The following SLC6A12 variants were observed in gnomAD, a reference collection of about 807,000 sequenced individuals.
The protein encoded by SLC6A12 is solute carrier family 6 member 12.
In SLC6A12, 50 loss-of-function variants were observed where a neutral mutation model predicts 73.3. The ratio of observed to expected loss-of-function variants is 0.68; its 90% CI spans 0.54 to 0.86. The LOEUF (loss-of-function observed/expected upper bound fraction) is 0.86. Ranked by LOEUF, SLC6A12 falls within the 40% of genes least tolerant of loss-of-function variation. The pLI is 0.00. For missense variants in SLC6A12, 648 were observed against 772.8 expected, an observed-to-expected ratio of 0.84 and a Z score of 1.92; for synonymous variants, 304 against 309.2, an observed-to-expected ratio of 0.98 and a Z score of 0.18.
At chr12:210,303 G>A (rs1266672069) in intron 2 of SLC6A12, 27 of 1,203,306 alleles carry the variant, frequency 2.2e-5, no homozygotes, top group Non-Finnish European at 2.6e-5. Flanking sequence ...GAAAACTCAG[G>A]CTCGGGCTTT....
At chr12:185,260 CCT>C (rs1939410940), downstream of SLC6A12, among the ~76,000 whole-genome samples, 1 of 152,220 alleles carries the variant, frequency 6.6e-6, no homozygotes, top group African/African-American at 2.4e-5. Context: ...TCATGGCTAC[CCT>C]CTGTCCTGCT....
intron 12 of SLC6A12, among the ~76,000 whole-genome samples, chr12:195,793 G>T (rs2137121055): frequency 6.6e-6 from 1 of 152,318 alleles, no homozygotes; most frequent in East Asian, 1.9e-4. Context: ...GCCTCTGAGT[G>T]AAGTCACAGG....
intron 5 of SLC6A12, 125 bp downstream of exon 5, chr12:202,615 G>T (rs756020461): frequency 3.0e-5 from 28 of 924,830 alleles, no homozygotes; most frequent in Non-Finnish European, 4.5e-5. Flanking sequence ...CTGCCCAGGA[G>T]CCCACGTGGC....
At chr12:188,530 A>G (rs1939484318), downstream of SLC6A12, among the ~76,000 whole-genome samples, 1 of 152,206 alleles carries the variant, frequency 6.6e-6, no homozygotes, top group South Asian at 2.1e-4. Flanking sequence ...CCCACAGTGC[A>G]GCGGGGGGCT....
At position 196,204 on chromosome 12, in the gene SLC6A12, G is replaced by A. The variant is rs755704366; in HGVS notation, c.1246C>T (p.Arg416Trp). The A allele has an allele frequency of 1.2e-5, 19 of 1,594,404 alleles. 1 individual carries two copies. The highest frequency in any genetic ancestry group is 4.6e-5 in the South Asian group (4 of 87,212). Residue 416 changes from arginine (R) to tryptophan (W), a missense_variant, in exon 12 of 16, where the codon CGG becomes TGG. Coordinates refer to ENST00000684302, the MANE Select transcript of SLC6A12 (RefSeq NM_001122848.3). ...AGGAGCTCGCGCCGCCCGCTCTTCC[G>A]GAGCTGCCTGGGGAACATGTCTATG... ...ASIDMFPRQL[R>W]KSGRRELLIL...
chr12:196,925 G>GCTGC (rs764902303), intron 10 of SLC6A12, 43 bp from the exon 11 acceptor site: 2 of 1,429,016 alleles, frequency 1.4e-6, no homozygotes, highest in Non-Finnish European at 2.0e-6. Flanking sequence ...CAGGGCGTGT[G>GCTGC]CTGCCCTTGG....
At chr12:206,405 A>G (rs532524564) in intron 3 of SLC6A12, among the ~76,000 whole-genome samples, 70 of 152,308 alleles carry the variant, frequency 4.6e-4, no homozygotes, top group African/African-American at 1.6e-3. Context: ...TCATAGCATG[A>G]ATTCCCTTCT....
chr12:207,096 C>T (rs1365342475), intron 3 of SLC6A12, among the ~76,000 whole-genome samples: 1 of 152,246 alleles, frequency 6.6e-6, no homozygotes, highest in East Asian at 1.9e-4. Flanking sequence ...CGCGTTAGGG[C>T]GTCCTCTACC....
At chr12:197,094 C>T (rs910072399) in intron 10 of SLC6A12, among the ~76,000 whole-genome samples, 176 of 36,774 alleles carry the variant, frequency 4.8e-3, no homozygotes, top group South Asian at 5.8e-3. Context: ...TCCATCCATC[C>T]ATCCATCCAT....
the SLC6A12 span, among the ~76,000 whole-genome samples, chr12:184,624 C>T: frequency 2.0e-5 from 3 of 152,126 alleles, no homozygotes; most frequent in South Asian, 4.2e-4. Context: ...GTGGCGGGCG[C>T]CTGTAGTCCC....
chr12:187,631 A>G (rs868356891), downstream of SLC6A12, among the ~76,000 whole-genome samples: 1 of 48,966 alleles, frequency 2.0e-5, no homozygotes, highest in Non-Finnish European at 4.2e-5. Context: ...AAAAAAAAAA[A>G]CAAACCACAC....
Position 200,861 on chromosome 12 carries a change from T to C in SLC6A12, c.579-78A>G, listed in dbSNP as rs570039088. The C allele has an allele frequency of 2.0e-5, 29 of 1,467,858 alleles. No individual in the cohort carries two copies. The Admixed American group carries it at 4.2e-4, about 21-fold the overall frequency. 90.9% of individuals were successfully genotyped at this position (1,467,858 alleles called of 1,614,324 possible). A position where few individuals can be genotyped will look rare whatever the true frequency, so the allele number is the denominator to read the frequency against. ...TGCGTCTGTCAGCAAGTCTCCTGAT[T>C]CTCAGAGCTGACCCCACGGATCTCA... On this transcript the variant is annotated intron_variant, in intron 6 of 15. Transcript: ENST00000684302.
At chr12:200,233 T>C (rs527846053) in intron 7 of SLC6A12, among the ~76,000 whole-genome samples, 12,141 of 148,436 alleles carry the variant, frequency 0.082, 705 homozygotes, top group Non-Finnish European at 0.12. Context: ...CTCAGCCTCC[T>C]GCATAGCTGG....
chr12:212,680 G>A (rs1355931224), intron 1 of SLC6A12, among the ~76,000 whole-genome samples: 2 of 152,038 alleles, frequency 1.3e-5, no homozygotes, highest in African/African-American at 4.8e-5. Context: ...CAGCAAGAGG[G>A]ATTTAAGTTA....
chr12:188,369 T>C (rs1218759206), downstream of SLC6A12, among the ~76,000 whole-genome samples: 2 of 152,018 alleles, frequency 1.3e-5, no homozygotes, highest in African/African-American at 4.8e-5. Flanking sequence ...GCCGCTCCGA[T>C]TGTGGGGCCC....
intron 12 of SLC6A12, 119 bp downstream of exon 12, chr12:196,005 G>T: frequency 1.1e-6 from 1 of 884,390 alleles, no homozygotes. Context: ...GAGAGGCAGG[G>T]CAGGCGTTCA....
intron 10 of SLC6A12, 37 bp from the exon 11 acceptor site, chr12:196,919 G>C (rs375962293): frequency 4.1e-5 from 61 of 1,476,108 alleles, no homozygotes; most frequent in Non-Finnish European, 5.7e-5. Context: ...AGGCTCCAGG[G>C]CGTGTGCTGC....
chr12:201,191 T>G, intron 6 of SLC6A12: 1 of 195,554 alleles, frequency 5.1e-6, no homozygotes, highest in Non-Finnish European at 1.0e-5. Flanking sequence ...GGTCCAGTAC[T>G]GTGAGGGCAT....
rs764142946 is a variant in SLC6A12, at chr12:201,817, C to A, written c.523G>T (p.Ala175Ser). The stretch of plus-strand genomic sequence containing the variant: ...TTCTCAAATGGGGTCACTGTGCCGG[C>A]TCCTGAGTGGTTCAGAAAGTCCGTG... Reference protein sequence around the residue: ...HCTDFLNHSGAGTVTPFENFT... With the variant: ...HCTDFLNHSGSGTVTPFENFT... Residue 175 changes from alanine (A) to serine (S), a missense_variant, in exon 6 of 16, where the codon GCC (alanine) becomes TCC (serine). Physicochemically the swap from Ala to Ser is moderately conservative, Grantham distance 99 (BLOSUM62 1). Coordinates refer to ENST00000684302, the MANE Select transcript of SLC6A12 (RefSeq NM_001122848.3). The A allele has an allele frequency of 1.1e-5, 17 of 1,614,132 alleles. No homozygotes were observed. In the East Asian group the frequency reaches 3.8e-4, roughly 36 times the overall value.
Sources: allele counts gnomAD v4.1 joint callset (sites outside exome capture counted in the v4.1 genomes callset), GRCh38; gene constraint gnomAD v4.1.1; transcripts MANE v1.5; gene names NCBI Gene and HGNC (gene_info 2026-07-23, HGNC 2026-07-21).